Variants in IGF1R observed in about 807,000 individuals in gnomAD.
The protein encoded by IGF1R is insulin-like growth factor 1 receptor.
In IGF1R, 44 loss-of-function variants were observed where a neutral mutation model predicts 144.6. The ratio of observed to expected loss-of-function variants is 0.30; its 90% CI spans 0.24 to 0.39. The LOEUF is 0.39. IGF1R is among the 10% of genes least tolerant of loss of function. The probability of loss-of-function intolerance (pLI) is 1.00; values close to 1 mark genes in which losing one functional copy is unlikely to be tolerated. For synonymous variants in IGF1R, 795 were observed against 722.8 expected (o/e 1.10, Z -1.60); for missense variants, 1,355 against 1,833.7 (o/e 0.74, Z 4.77).
intron 2 of IGF1R, among the ~76,000 whole-genome samples, chr15:98,853,328 G>T (rs771112197): frequency 6.6e-6 from 1 of 152,182 alleles, no homozygotes; most frequent in Non-Finnish European, 1.5e-5. Flanking sequence ...TGATAGGGGC[G>T]TAGTGGACAT....
chr15:98,885,660 A>C (rs924995031), intron 2 of IGF1R, among the ~76,000 whole-genome samples: 1 of 152,164 alleles, frequency 6.6e-6, no homozygotes, highest in Non-Finnish European at 1.5e-5. Context: ...ACTCTTCCGT[A>C]TTTTGATTCA....
intron 1 of IGF1R, chr15:98,660,666 A>T (rs953331286): frequency 6.6e-6 from 1 of 152,102 alleles, no homozygotes; most frequent in Non-Finnish European, 1.5e-5. Flanking sequence ...ATTATCTTTA[A>T]AATCATTGTT....
chr15:98,709,016 T>C (rs905932635), intron 2 of IGF1R, among the ~76,000 whole-genome samples: 1 of 152,232 alleles, frequency 6.6e-6, no homozygotes, highest in African/African-American at 2.4e-5. Context: ...AAAATGTGAC[T>C]CTGAGCCTTC....
At chr15:98,659,915 G>A (rs1284628474) in intron 1 of IGF1R, among the ~76,000 whole-genome samples, 1 of 152,110 alleles carries the variant, frequency 6.6e-6, no homozygotes, top group African/African-American at 2.4e-5. Flanking sequence ...AATACTCACA[G>A]AGAATAAGAA....
At position 98,707,003 on chromosome 15, in the gene IGF1R, G is replaced by C. The variant is rs1312872271; in HGVS notation, c.95-559G>C. 2.0e-5 allele frequency among the ~76,000 whole-genome samples: 3 copies of C among 152,082 alleles called. No individual in the cohort carries two copies. The highest frequency in any genetic ancestry group is 2.0e-4 in the Admixed American group (3 of 15,258). On this transcript the variant is annotated intron_variant, in intron 1 of 20. Transcript: ENST00000650285. The surrounding 1 kb of genome is among the most constrained non-coding windows in gnomAD (Gnocchi z 6.7). ...CGTGTGGAGAGAACACAGTCTACTC[G>C]GCTTATGTCAAATGGTAGTGGGAAG...
At chr15:98,884,793 C>A (rs2013559002) in intron 2 of IGF1R, among the ~76,000 whole-genome samples, 1 of 151,804 alleles carries the variant, frequency 6.6e-6, no homozygotes, top group South Asian at 2.1e-4. Flanking sequence ...TTGATCTGGG[C>A]TACTGAGGCT....
chr15:98,668,595 G>T (rs1249289094), intron 1 of IGF1R, among the ~76,000 whole-genome samples: 1 of 152,146 alleles, frequency 6.6e-6, no homozygotes, highest in Non-Finnish European at 1.5e-5. Flanking sequence ...AATTTTATAT[G>T]ACCCCATTTC....
intron 2 of IGF1R, among the ~76,000 whole-genome samples, chr15:98,866,728 C>T (rs903109410): frequency 1.3e-5 from 2 of 152,258 alleles, no homozygotes; most frequent in South Asian, 2.1e-4. Flanking sequence ...GCGGTCGTTT[C>T]GGCAGCTTAA....
chr15:98,664,875 C>T lies in IGF1R; in HGVS notation c.94+15200C>T, dbSNP rs866231605. 5.9e-5 allele frequency among the ~76,000 whole-genome samples: 9 copies of T among 151,584 alleles called. No homozygotes were observed. The South Asian group carries it at 1.5e-3, about 25-fold the overall frequency. On this transcript the variant is annotated intron_variant, in intron 1 of 20. Transcript: ENST00000650285. ...TTACTTCCTTTAAAAAAAAAAATAC[C>T]CTTTGGGTGTGTATTGATTCTGATG...
chr15:98,757,352 T>C (rs1477280109), intron 2 of IGF1R, among the ~76,000 whole-genome samples: 7 of 152,176 alleles, frequency 4.6e-5, no homozygotes, highest in Admixed American at 2.6e-4. Context: ...TTAGTAGAGA[T>C]GAGGTCTCAC....
chr15:98,855,302 G>A (rs1466756009), intron 2 of IGF1R, among the ~76,000 whole-genome samples: 1 of 152,220 alleles, frequency 6.6e-6, no homozygotes, highest in Non-Finnish European at 1.5e-5. Flanking sequence ...TGGGCACCTC[G>A]GACCCAGACA....
intron 2 of IGF1R, among the ~76,000 whole-genome samples, chr15:98,739,838 C>CA (rs945301439): frequency 2.0e-5 from 3 of 152,190 alleles, no homozygotes; most frequent in African/African-American, 7.2e-5. Context: ...GCAGTCTGCC[C>CA]ACCTTGGCTT....
intron 20 of IGF1R, among the ~76,000 whole-genome samples, chr15:98,956,050 C>T (rs1431988648): frequency 6.6e-6 from 1 of 152,208 alleles, no homozygotes; most frequent in Admixed American, 6.5e-5. Context: ...GCTTTTTGCC[C>T]CAAAAGTCTG....
intron 2 of IGF1R, among the ~76,000 whole-genome samples, chr15:98,799,582 C>G (rs1444667948): frequency 6.6e-6 from 1 of 152,156 alleles, no homozygotes; most frequent in African/African-American, 2.4e-5. Context: ...GTATCTCCAG[C>G]TTGTTTTCTT....
chr15:98,924,836 C>T (rs368916460), intron 13 of IGF1R, 152 bp downstream of exon 13: 243 of 757,396 alleles, frequency 3.2e-4, no homozygotes, highest in Middle Eastern at 1.5e-3. Context: ...CGGCACATAC[C>T]GGCACTGTGT....
At chr15:98,751,890 C>G (rs905827973) in intron 2 of IGF1R, among the ~76,000 whole-genome samples, 2 of 152,154 alleles carry the variant, frequency 1.3e-5, no homozygotes, top group Non-Finnish European at 2.9e-5. Flanking sequence ...GTGGACGTCT[C>G]CCACCCTTTC....
At chr15:98,694,450 C>T (rs1396632625) in intron 1 of IGF1R, among the ~76,000 whole-genome samples, 1 of 151,962 alleles carries the variant, frequency 6.6e-6, no homozygotes, top group Non-Finnish European at 1.5e-5. Flanking sequence ...TCCCCACCTT[C>T]CTGGAGTGAG....
At chr15:98,784,143 T>G (rs1302360270) in intron 2 of IGF1R, among the ~76,000 whole-genome samples, 4 of 151,826 alleles carry the variant, frequency 2.6e-5, no homozygotes, top group African/African-American at 9.7e-5. Flanking sequence ...CCCGGGTAAT[T>G]TTTGTATTTT....
intron 2 of IGF1R, among the ~76,000 whole-genome samples, chr15:98,758,373 C>T (rs557341284): frequency 5.9e-5 from 9 of 152,196 alleles, no homozygotes; most frequent in East Asian, 5.8e-4. Flanking sequence ...CAGGCTCCTG[C>T]GTCGTCCTCA....
Sources: allele counts gnomAD v4.1 joint callset (sites outside exome capture counted in the v4.1 genomes callset), GRCh38; gene constraint gnomAD v4.1.1; non-coding constraint Gnocchi (gnomAD v3.1); transcripts MANE v1.5; gene names NCBI Gene and HGNC (gene_info 2026-07-23, HGNC 2026-07-21).